DOCK9: variants seen among roughly 807,000 people sequenced by gnomAD.
DOCK9 encodes dedicator of cytokinesis protein 9.
In DOCK9, 89 loss-of-function variants were observed where a neutral mutation model predicts 263.3. The observed-to-expected ratio is 0.34, with a 90% CI of 0.28 to 0.40. The LOEUF is 0.40. Among genes scored for constraint, DOCK9 ranks in the 10% least tolerant of loss-of-function variants. The pLI is 1.00. For missense variants in DOCK9, 2,140 were observed against 2,603.4 expected (o/e 0.82, Z 3.87); for synonymous variants, 976 against 973.1 (o/e 1.00, Z -0.06).
chr13:99,058,488 C>G (rs962644611), intron 1 of DOCK9, among the ~76,000 whole-genome samples: 2 of 152,148 alleles, frequency 1.3e-5, no homozygotes, highest in African/African-American at 2.4e-5. Flanking sequence ...TTGATACAAA[C>G]AGTGCCAGGG....
intron 1 of DOCK9, among the ~76,000 whole-genome samples, chr13:98,963,699 T>G (rs2058906872): frequency 6.6e-6 from 1 of 152,238 alleles, no homozygotes; most frequent in Non-Finnish European, 1.5e-5. Context: ...TTTATCTGCA[T>G]GGCTATAAAA....
At chr13:99,074,216 C>G (rs949742245) in intron 1 of DOCK9, among the ~76,000 whole-genome samples, 5 of 152,244 alleles carry the variant, frequency 3.3e-5, no homozygotes, top group Admixed American at 2.0e-4. Context: ...CTTAAAATGG[C>G]AGGCAACTGC....
At chr13:98,891,590 C>T (rs971509529) in intron 15 of DOCK9, among the ~76,000 whole-genome samples, 3 of 152,164 alleles carry the variant, frequency 2.0e-5, no homozygotes, top group Admixed American at 6.5e-5. Context: ...AATTAAAATA[C>T]GTTTCTAAGC....
At chr13:98,800,551 G>A in intron 49 of DOCK9, 73 bp from the exon 50 acceptor site, 1 of 1,512,102 alleles carries the variant, frequency 6.6e-7, no homozygotes, top group Non-Finnish European at 9.0e-7. Context: ...ATTATTATTA[G>A]AAGTGATTAT....
intron 2 of DOCK9, 91 bp downstream of exon 2, chr13:98,955,336 TAATAATTA>T (rs2057925149): frequency 2.6e-6 from 2 of 769,382 alleles, no homozygotes; most frequent in Non-Finnish European, 3.9e-6. Flanking sequence ...ATAATAATAA[TAATAATTA>T]ACTAACCAAA....
At chr13:99,060,930 G>A (rs2041161512) in intron 1 of DOCK9, among the ~76,000 whole-genome samples, 1 of 152,114 alleles carries the variant, frequency 6.6e-6, no homozygotes, top group Admixed American at 6.5e-5. Flanking sequence ...AAATAAATAA[G>A]TTACCAAAAT....
intron 32 of DOCK9, among the ~76,000 whole-genome samples, chr13:98,860,728 G>T (rs1283466247): frequency 2.8e-5 from 4 of 144,670 alleles, no homozygotes; most frequent in Non-Finnish European, 6.0e-5. Context: ...GGATATGGAT[G>T]CTGGGTGGGG....
chr13:98,958,199 C>A (rs764507150), intron 1 of DOCK9, among the ~76,000 whole-genome samples: 1 of 152,212 alleles, frequency 6.6e-6, no homozygotes, highest in Non-Finnish European at 1.5e-5. Context: ...AAAGGGCACA[C>A]CCTCCAGGAA....
At chr13:99,014,528 C>G (rs185741964) in intron 1 of DOCK9, among the ~76,000 whole-genome samples, 2 of 152,312 alleles carry the variant, frequency 1.3e-5, no homozygotes, top group East Asian at 3.9e-4. Context: ...ACCACCCAAT[C>G]TGATCACAAG....
intron 3 of DOCK9, among the ~76,000 whole-genome samples, chr13:98,929,131 G>T (rs2053517320): frequency 6.6e-6 from 1 of 151,860 alleles, no homozygotes; most frequent in South Asian, 2.1e-4. Context: ...TTAAATGAAG[G>T]TGCACTTAAA....
chr13:98,824,848 C>T (rs1361310801), intron 44 of DOCK9, among the ~76,000 whole-genome samples: 1 of 152,114 alleles, frequency 6.6e-6, no homozygotes, highest in African/African-American at 2.4e-5. Context: ...TAGGATGACT[C>T]GTGCTGAGAT....
chr13:98,841,799 T>C (rs2093228004), intron 38 of DOCK9, among the ~76,000 whole-genome samples: 1 of 151,148 alleles, frequency 6.6e-6, no homozygotes, highest in Non-Finnish European at 1.5e-5. Flanking sequence ...TTCTGCATTA[T>C]TATTATTATT....
chr13:98,965,319 C>T (rs1351555453), intron 1 of DOCK9, among the ~76,000 whole-genome samples: 1 of 152,168 alleles, frequency 6.6e-6, no homozygotes, highest in Non-Finnish European at 1.5e-5. Flanking sequence ...GATAGAATCC[C>T]ACTCTCATTC....
At chr13:98,885,135 G>A in intron 20 of DOCK9, 43 bp from the exon 21 acceptor site, 2 of 1,601,384 alleles carry the variant, frequency 1.2e-6, no homozygotes, top group Non-Finnish European at 1.7e-6. Context: ...AACACTGTGA[G>A]TGTATGAAAA....
At chr13:98,816,685 A>T (rs2140423223) in intron 45 of DOCK9, among the ~76,000 whole-genome samples, 1 of 150,086 alleles carries the variant, frequency 6.7e-6, no homozygotes, top group South Asian at 2.2e-4. Context: ...GAGAGTGATG[A>T]CTGGCTGGGT....
chr13:98,963,736 G>A (rs76535654), intron 1 of DOCK9, among the ~76,000 whole-genome samples: 1,734 of 152,322 alleles, frequency 0.011, 32 homozygotes, highest in African/African-American at 0.04. Flanking sequence ...AGATAAAGTT[G>A]GTCCACTTTC....
intron 2 of DOCK9, among the ~76,000 whole-genome samples, chr13:98,934,719 T>C (rs1305146322): frequency 6.6e-6 from 1 of 152,176 alleles, no homozygotes; most frequent in African/African-American, 2.4e-5. Context: ...ACCCTTCCAC[T>C]CAAGTCAATG....
At chr13:98,963,999 G>A (rs978449906) in intron 1 of DOCK9, among the ~76,000 whole-genome samples, 35 of 152,212 alleles carry the variant, frequency 2.3e-4, no homozygotes, top group Admixed American at 1.3e-4. Context: ...GAAAATAACA[G>A]CGGCCTCCCT....
rs556102230 is a variant in DOCK9, at chr13:98,880,803, CA to C, written c.2746-132del. The C allele has an allele frequency of 1.0e-4, 126 of 1,228,688 alleles. No individual in the cohort carries two copies. The African/African-American group carries it at 1.7e-3, about 17-fold the overall frequency. 76.1% of individuals were successfully genotyped at this position (1,228,688 alleles called of 1,614,324 possible). On this transcript the variant is annotated intron_variant, in intron 25 of 52. Transcript: ENST00000682017. Reference sequence around the variant, plus strand: ...TTTGTGGGAGAGGAAGGTGTGGATACAAAGATGGGAAGGGTGAGTGTCATGT... The same window carrying C: ...TTTGTGGGAGAGGAAGGTGTGGATACAAGATGGGAAGGGTGAGTGTCATGT...
Sources: allele counts gnomAD v4.1 joint callset (sites outside exome capture counted in the v4.1 genomes callset), GRCh38; gene constraint gnomAD v4.1.1; transcripts MANE v1.5; gene names NCBI Gene and HGNC (gene_info 2026-07-23, HGNC 2026-07-21).